The following KIF6 variants were observed in gnomAD, a reference collection of about 807,000 sequenced individuals.
The protein encoded by KIF6 is kinesin-like protein KIF6.
In KIF6, 106 loss-of-function variants were observed where a neutral mutation model predicts 112.7. The observed-to-expected ratio is 0.94, with a 90% CI of 0.80 to 1.11. The LOEUF is 1.11. KIF6 is among the 50% of genes least tolerant of loss of function. The probability of loss-of-function intolerance (pLI) is 0.00; values close to 1 mark genes in which losing one functional copy is unlikely to be tolerated. For missense variants in KIF6, 929 were observed against 964.0 expected, an observed-to-expected ratio of 0.96 and a Z score of 0.48; for synonymous variants, 339 against 339.9, an observed-to-expected ratio of 1.00 and a Z score of 0.03.
chr6:39,482,964 T>G (rs919501515), intron 13 of KIF6, among the ~76,000 whole-genome samples: 1 of 152,240 alleles, frequency 6.6e-6, no homozygotes, highest in African/African-American at 2.4e-5. Context: ...AGCCCAGGCT[T>G]CTTCTCTCCC....
intron 13 of KIF6, among the ~76,000 whole-genome samples, chr6:39,471,576 T>A (rs1370730262): frequency 6.6e-6 from 1 of 152,218 alleles, no homozygotes; most frequent in Admixed American, 6.5e-5. Flanking sequence ...CTGCAGGCTG[T>A]CTACCTAAAG....
intron 13 of KIF6, among the ~76,000 whole-genome samples, chr6:39,487,990 CATCT>C (rs1464871982): frequency 2.2e-4 from 33 of 150,986 alleles, no homozygotes; most frequent in Admixed American, 1.6e-3. Flanking sequence ...CATTTATAGG[CATCT>C]ATCTATCTAT....
chr6:39,347,926 A>G (rs890967956), intron 19 of KIF6, among the ~76,000 whole-genome samples: 2 of 152,224 alleles, frequency 1.3e-5, no homozygotes, highest in African/African-American at 4.8e-5. Flanking sequence ...AGCAGTGGAG[A>G]GACTTTCCAC....
At chr6:39,686,002 CT>C (rs954555515) in intron 3 of KIF6, among the ~76,000 whole-genome samples, 2 of 152,078 alleles carry the variant, frequency 1.3e-5, no homozygotes, top group African/African-American at 4.8e-5. Flanking sequence ...TTTTTAATGA[CT>C]TTTTTTGAAA....
intron 1 of KIF6, 27 bp from the exon 2 acceptor site, chr6:39,720,838 T>C (rs1301459880): frequency 1.0e-6 from 1 of 974,014 alleles, no homozygotes; most frequent in South Asian, 1.3e-5. Context: ...AACAAATGGA[T>C]ATAAAATGGT....
intron 19 of KIF6, among the ~76,000 whole-genome samples, chr6:39,356,273 TTC>T (rs1287181340): frequency 2.0e-5 from 3 of 151,708 alleles, no homozygotes; most frequent in African/African-American, 7.3e-5. Flanking sequence ...TGACACCTTC[TTC>T]TTTTTTTTTT....
chr6:39,446,008 C>T (rs72850667), intron 13 of KIF6, among the ~76,000 whole-genome samples: 8,521 of 152,230 alleles, frequency 0.056, 445 homozygotes, highest in East Asian at 0.24. Context: ...AATTTTCCCT[C>T]CCTCCTTCAG....
chr6:39,587,732 T>C (rs2150666116), intron 7 of KIF6, among the ~76,000 whole-genome samples: 1 of 152,302 alleles, frequency 6.6e-6, no homozygotes, highest in African/African-American at 2.4e-5. Context: ...CTTCACCTTC[T>C]TATTGTCCTG....
At chr6:39,695,406 C>A (rs1459507494) in intron 3 of KIF6, among the ~76,000 whole-genome samples, 3 of 152,144 alleles carry the variant, frequency 2.0e-5, no homozygotes, top group Non-Finnish European at 4.4e-5. Context: ...GTAAACTATG[C>A]ATCTGATAAA....
chr6:39,354,445 C>T (rs909582820), intron 19 of KIF6, among the ~76,000 whole-genome samples: 1 of 152,224 alleles, frequency 6.6e-6, no homozygotes, highest in Non-Finnish European at 1.5e-5. Context: ...GTCCTTACCT[C>T]ATCCCATATG....
At chr6:39,361,969 GCATGTGGAGCAAGATTCGGTGAC>G (rs1302716588) in intron 17 of KIF6, among the ~76,000 whole-genome samples, 1 of 152,184 alleles carries the variant, frequency 6.6e-6, no homozygotes, top group Admixed American at 6.5e-5. Context: ...AGCTTGATCA[GCATGTGGAGCAAGATTCGGTGAC>G]CATGCTGTAT....
chr6:39,611,637 T>C (rs758080358), intron 6 of KIF6, among the ~76,000 whole-genome samples: 18 of 152,228 alleles, frequency 1.2e-4, no homozygotes, highest in Admixed American at 3.3e-4. Context: ...GCTCCTCTAC[T>C]TGTTTTCCTT....
At chr6:39,646,977 C>A (rs1785201098) in intron 3 of KIF6, among the ~76,000 whole-genome samples, 1 of 152,200 alleles carries the variant, frequency 6.6e-6, no homozygotes, top group Non-Finnish European at 1.5e-5. Flanking sequence ...CAAGGGGCAA[C>A]TGGATCTTTT....
At chr6:39,346,132 C>CCCCTCTCTCT (rs1554196915) in intron 20 of KIF6, among the ~76,000 whole-genome samples, 2 of 26,916 alleles carry the variant, frequency 7.4e-5, no homozygotes, top group African/African-American at 3.0e-4. Flanking sequence ...CCTCCCTCTC[C>CCCCTCTCTCT]CTCTCTCTCT....
intron 6 of KIF6, among the ~76,000 whole-genome samples, chr6:39,596,545 T>G (rs1782279560): frequency 6.6e-6 from 1 of 152,236 alleles, no homozygotes; most frequent in Admixed American, 6.5e-5. Context: ...TTTCATTACC[T>G]GTCTATAATC....
At chr6:39,574,414 T>C (rs1404003518) in intron 10 of KIF6, among the ~76,000 whole-genome samples, 1 of 152,228 alleles carries the variant, frequency 6.6e-6, no homozygotes, top group East Asian at 1.9e-4. Flanking sequence ...ATGCCTTTTT[T>C]CATCTTCACA....
intron 3 of KIF6, among the ~76,000 whole-genome samples, chr6:39,707,499 T>C (rs956843181): frequency 3.3e-5 from 5 of 152,220 alleles, no homozygotes; most frequent in East Asian, 1.9e-4. Flanking sequence ...TGTGCAGATA[T>C]ATGAGGGGAA....
intron 13 of KIF6, among the ~76,000 whole-genome samples, chr6:39,528,559 A>G (rs1326254674): frequency 6.6e-6 from 1 of 152,220 alleles, no homozygotes; most frequent in Non-Finnish European, 1.5e-5. Flanking sequence ...ATAGTTTTCC[A>G]CAATGGCTGT....
chr6:39,664,815 ATG>A (rs942153427), intron 3 of KIF6, among the ~76,000 whole-genome samples: 1 of 152,188 alleles, frequency 6.6e-6, no homozygotes, highest in Non-Finnish European at 1.5e-5. Context: ...GTAATGCCAA[ATG>A]TTGAAATCCT....
Sources: allele counts gnomAD v4.1 joint callset (sites outside exome capture counted in the v4.1 genomes callset), GRCh38; gene constraint gnomAD v4.1.1; transcripts MANE v1.5; gene names NCBI Gene and HGNC (gene_info 2026-07-23, HGNC 2026-07-21).